RIMS1: variants seen among roughly 807,000 people sequenced by gnomAD.
The protein encoded by RIMS1 is regulating synaptic membrane exocytosis 1, also known as regulating synaptic membrane exocytosis protein 1.
A neutral mutation model predicts 214.1 loss-of-function variants in RIMS1; 83 were observed. The ratio of observed to expected loss-of-function variants is 0.39; its 90% CI spans 0.32 to 0.47. RIMS1 has a LOEUF of 0.47. Ranked by LOEUF, RIMS1 falls within the 20% of genes least tolerant of loss-of-function variation. The pLI is 0.99. For missense variants in RIMS1, 2,050 were observed against 2,161.8 expected, an observed-to-expected ratio of 0.95 and a Z score of 1.03; for synonymous variants, 793 against 786.8, an observed-to-expected ratio of 1.01 and a Z score of -0.13.
At chr6:72,063,993 A>G (rs1432382006) in intron 2 of RIMS1, among the ~76,000 whole-genome samples, 1 of 152,002 alleles carries the variant, frequency 6.6e-6, no homozygotes. Context: ...ATCTCCTTTT[A>G]TAAGGAGTCC....
chr6:72,260,493 A>G lies in RIMS1; in HGVS notation c.3054-212A>G, dbSNP rs373201258. 1.1e-4 allele frequency among the ~76,000 whole-genome samples: 16 copies of G among 152,282 alleles called. No individual in the cohort carries two copies. In the East Asian group the frequency reaches 2.9e-3, roughly 28 times the overall value. ...TCATTTTGAAATACAATGGCAAATC[A>G]GCAACAGCTAGGACTTCAACCATAA... On this transcript the variant is annotated intron_variant, in intron 18 of 33. Coordinates refer to ENST00000521978, the MANE Select transcript of RIMS1 (RefSeq NM_014989.7).
At chr6:71,957,882 T>A (rs998307589) in intron 1 of RIMS1, among the ~76,000 whole-genome samples, 1 of 151,956 alleles carries the variant, frequency 6.6e-6, no homozygotes, top group Non-Finnish European at 1.5e-5. Context: ...TATTTGGATA[T>A]AATTAAATTT....
chr6:72,117,310 T>C (rs1386220549), intron 4 of RIMS1, among the ~76,000 whole-genome samples: 1 of 152,030 alleles, frequency 6.6e-6, no homozygotes, highest in Non-Finnish European at 1.5e-5. Context: ...CTCTCTCTTC[T>C]GATCATTACT....
intron 1 of RIMS1, among the ~76,000 whole-genome samples, chr6:71,896,984 C>T (rs1048180689): frequency 1.3e-5 from 2 of 152,092 alleles, no homozygotes; most frequent in Non-Finnish European, 2.9e-5. Flanking sequence ...TCCTTAGCCA[C>T]CTGTTAAATT....
At chr6:72,290,156 G>T (rs1473288155) in intron 24 of RIMS1, among the ~76,000 whole-genome samples, 1 of 152,074 alleles carries the variant, frequency 6.6e-6, no homozygotes, top group African/African-American at 2.4e-5. Flanking sequence ...AACCTCAAAA[G>T]GCAGGCTTCT....
intron 11 of RIMS1, among the ~76,000 whole-genome samples, chr6:72,247,702 G>A (rs1216455122): frequency 6.6e-6 from 1 of 152,056 alleles, no homozygotes; most frequent in Non-Finnish European, 1.5e-5. Context: ...GATAATTAGT[G>A]TTAACAGGCA....
At chr6:72,047,595 A>G (rs949029320) in intron 2 of RIMS1, among the ~76,000 whole-genome samples, 2 of 152,156 alleles carry the variant, frequency 1.3e-5, no homozygotes, top group African/African-American at 4.8e-5. Flanking sequence ...TACTAGATCT[A>G]TAAACTGTGC....
chr6:71,952,275 A>T (rs1418178428), intron 1 of RIMS1, among the ~76,000 whole-genome samples: 1 of 152,226 alleles, frequency 6.6e-6, no homozygotes, highest in Non-Finnish European at 1.5e-5. Flanking sequence ...AATGTATCAA[A>T]GTGACCTGCT....
rs116743282 is a variant in RIMS1 at position 72,257,500 on chromosome 6, T to G, written c.2771-625T>G. ...ATTGGTTCTTCAGAAGGGTGCATTT[T>G]CTCTACATTATTGTGATAGTCATCT... On this transcript the variant is annotated intron_variant, in intron 16 of 33. Transcript: ENST00000521978. 3.7e-3 allele frequency among the ~76,000 whole-genome samples: 568 copies of G among 152,186 alleles called. 5 individuals carry two copies. The highest frequency in any genetic ancestry group is 0.012 in the African/African-American group (505 of 41,562).
chr6:71,908,563 G>A (rs1018362793), intron 1 of RIMS1, among the ~76,000 whole-genome samples: 16 of 152,146 alleles, frequency 1.1e-4, no homozygotes, highest in Non-Finnish European at 2.1e-4. Flanking sequence ...AACTTTAAAT[G>A]GGTGGCTGCA....
intron 29 of RIMS1, among the ~76,000 whole-genome samples, chr6:72,364,378 C>T (rs943641888): frequency 6.6e-6 from 1 of 152,130 alleles, no homozygotes; most frequent in African/African-American, 2.4e-5. Context: ...TTCCATAGAG[C>T]ATGAGTATCT....
intron 1 of RIMS1, among the ~76,000 whole-genome samples, chr6:71,889,547 C>A (rs757875098): frequency 1.3e-4 from 20 of 152,176 alleles, no homozygotes; most frequent in Admixed American, 7.9e-4. Context: ...CTGCTAATGT[C>A]TTGGCCTTTT....
chr6:72,359,967 G>C (rs1308931474), intron 29 of RIMS1, among the ~76,000 whole-genome samples: 1 of 152,154 alleles, frequency 6.6e-6, no homozygotes, highest in Non-Finnish European at 1.5e-5. Context: ...TTAACATGGA[G>C]ACTTAAAATG....
At chr6:71,919,274 C>G (rs990588711) in intron 1 of RIMS1, among the ~76,000 whole-genome samples, 3 of 151,888 alleles carry the variant, frequency 2.0e-5, no homozygotes, top group Non-Finnish European at 2.9e-5. Flanking sequence ...GAGATTCAGT[C>G]AATAAATGTG....
At chr6:72,187,932 G>A (rs1282867654) in intron 6 of RIMS1, among the ~76,000 whole-genome samples, 1 of 152,162 alleles carries the variant, frequency 6.6e-6, no homozygotes, top group African/African-American at 2.4e-5. Context: ...ACCATAGGCT[G>A]TCTGCAAGCT....
At chr6:72,193,081 G>A (rs542597743) in intron 6 of RIMS1, among the ~76,000 whole-genome samples, 62 of 152,336 alleles carry the variant, frequency 4.1e-4, no homozygotes, top group Non-Finnish European at 7.2e-4. Context: ...ATCACAGTGA[G>A]CATGGAATCA....
At chr6:71,972,077 G>A (rs1311275447) in intron 2 of RIMS1, among the ~76,000 whole-genome samples, 1 of 152,106 alleles carries the variant, frequency 6.6e-6, no homozygotes, top group East Asian at 1.9e-4. Context: ...CGAGCCCTAG[G>A]TAAAAGCAAT....
intron 6 of RIMS1, chr6:72,216,844 A>C (rs2056293718): frequency 2.0e-6 from 2 of 1,011,102 alleles, no homozygotes; most frequent in Non-Finnish European, 2.4e-6. Flanking sequence ...GAAATGGTTA[A>C]TTGAGGAGCT....
At chr6:72,166,962 C>T (rs374039546) in intron 4 of RIMS1, among the ~76,000 whole-genome samples, 11 of 151,696 alleles carry the variant, frequency 7.3e-5, no homozygotes, top group Non-Finnish European at 1.5e-4. Context: ...ATTACACTGG[C>T]GTATAGAGGT....
Sources: allele counts gnomAD v4.1 joint callset (sites outside exome capture counted in the v4.1 genomes callset), GRCh38; gene constraint gnomAD v4.1.1; transcripts MANE v1.5; gene names NCBI Gene and HGNC (gene_info 2026-07-23, HGNC 2026-07-21).